COL11A2: variants seen among roughly 807,000 people sequenced by gnomAD.
COL11A2 encodes collagen type XI alpha 2 chain.
In COL11A2, 116 loss-of-function variants were observed where a neutral mutation model predicts 273.4. The observed-to-expected ratio is 0.42, with a 90% confidence interval of 0.36 to 0.49. The LOEUF (loss-of-function observed/expected upper bound fraction) is 0.49. COL11A2 is among the 20% of genes least tolerant of loss of function. The pLI is 0.00. For missense variants in COL11A2, 1,866 were observed against 2,309.0 expected, an observed-to-expected ratio of 0.81 and a Z score of 3.93; for synonymous variants, 782 against 864.2, an observed-to-expected ratio of 0.90 and a Z score of 1.67.
At position 33,175,633 on chromosome 6, in the gene COL11A2, GCCCCTCAGGACCATCCTCT is replaced by G; in HGVS notation, c.2298_2316del (p.Glu767GlnfsTer41). ...CCAGTCGGTCCAGTGCGTCCCTTTG[GCCCCTCAGGACCATCCTCT>G]CCCCTGGAACCAGGGACTCCAACTT... is the stretch of plus-strand genomic sequence containing the variant. On this transcript the variant is annotated frameshift_variant, in exon 30 of 66. Transcript: ENST00000341947. LOFTEE classifies it high-confidence loss of function. 6.2e-7 allele frequency: 1 copy of G among 1,612,902 alleles called. No individual in the cohort carries two copies. The highest frequency in any genetic ancestry group is 1.7e-5 in the Admixed American group (1 of 60,018).
chr6:33,186,289 T>C (rs1300525754), intron 5 of COL11A2, among the ~76,000 whole-genome samples: 1 of 151,958 alleles, frequency 6.6e-6, no homozygotes, highest in African/African-American at 2.4e-5. Flanking sequence ...TTCTCCTGGC[T>C]TCAGTCCCCT....
chr6:33,182,943 C>T (rs1050907809), intron 8 of COL11A2, among the ~76,000 whole-genome samples: 1 of 152,116 alleles, frequency 6.6e-6, no homozygotes, highest in Admixed American at 6.5e-5. Flanking sequence ...TTCATTCTGA[C>T]CAAACAGCAA....
rs1338343543 is a variant in COL11A2 at position 33,192,253 on chromosome 6, GAA to G, written c.-15_-14del. On this transcript the variant is annotated 5_prime_UTR_variant, in exon 1 of 66. Coordinates refer to ENST00000341947, the MANE Select transcript of COL11A2 (RefSeq NM_080680.3). ...TGCACCGCTCCATGGCTGAGAAGCC[GAA>G]ACGCCGGGTCCCAGGGACCCAGGTC... 4 of 1,552,574 alleles carry G rather than the reference GAA, an allele frequency of 2.6e-6. No individual in the cohort carries two copies. Among genetic ancestry groups the G allele is most frequent in the Non-Finnish European group, 3.5e-6 (4 of 1,148,354 alleles).
intron 7 of COL11A2, 75 bp downstream of exon 7, chr6:33,184,917 A>G: frequency 2.4e-6 from 3 of 1,258,860 alleles, no homozygotes; most frequent in Non-Finnish European, 3.4e-6. Flanking sequence ...GTCCATCAAG[A>G]CGTCATGGGC....
Position 33,173,002 on chromosome 6 carries a change from G to A in COL11A2, c.2790+58C>T. ...GCAGGGGCGTGTGACCGAGAGAAGA[G>A]GGGCAGACAGACTAATGCTAGGGTC... On this transcript the variant is annotated intron_variant, in intron 38 of 65. Transcript: ENST00000341947. This position sits in a 1 kb window ranked among gnomAD's most constrained non-coding sequence, Gnocchi z 6.3. 6.4e-7 allele frequency: 1 copy of A among 1,564,300 alleles called. No homozygotes were observed. The highest frequency in any genetic ancestry group is 8.8e-7 in the Non-Finnish European group (1 of 1,137,788).
rs1261962347 is a variant in COL11A2, at chr6:33,166,210, T to C, written c.4393-4A>G. 4 of 1,597,986 alleles carry C rather than the reference T, an allele frequency of 2.5e-6. No individual in the cohort carries two copies. Among genetic ancestry groups the C allele is most frequent in the Non-Finnish European group, 3.4e-6 (4 of 1,173,290 alleles). ...CTCCTTTGGGGCCAGCAGGTCCCTG[T>C]GAAATGAGGAACAAGAAAGAGACGG... On this transcript the variant is annotated splice_polypyrimidine_tract_variant and splice_region_variant and intron_variant, in intron 60 of 65. Transcript: ENST00000341947. This position sits in a 1 kb window ranked among gnomAD's most constrained non-coding sequence, Gnocchi z 4.8.
chr6:33,169,971 C>A lies in COL11A2; in HGVS notation c.3636+76G>T. The stretch of plus-strand genomic sequence containing the variant: ...CCCACATCTCATTCTCTTTTGTCTC[C>A]CCACCCAAAATTGGCAGAAATCCAA... On this transcript the variant is annotated intron_variant, in intron 49 of 65. Coordinates refer to ENST00000341947, the MANE Select transcript of COL11A2 (RefSeq NM_080680.3). This position sits in a 1 kb window ranked among gnomAD's most constrained non-coding sequence, Gnocchi z 5.5. The A allele has an allele frequency of 6.2e-7, 1 of 1,612,378 alleles. No individual in the cohort carries two copies. The highest frequency in any genetic ancestry group is 8.5e-7 in the Non-Finnish European group (1 of 1,178,592).
chr6:33,172,127 G>A, intron 40 of COL11A2, 24 bp from the exon 41 acceptor site: 2 of 1,612,650 alleles, frequency 1.2e-6, no homozygotes, highest in Non-Finnish European at 1.7e-6. Flanking sequence ...ATTTGGGGAA[G>A]ATGAGACTTC....
rs2855437 is a variant in COL11A2, at chr6:33,171,178, G to A, written c.3313-11C>T. The A allele has an allele frequency of 0.71, 1,144,403 of 1,610,246 alleles. 409,716 individuals carry two copies. Among genetic ancestry groups the A allele is most frequent in the East Asian group, 0.94 (42,104 of 44,798 alleles). ...GGGTCCAGGAGGGCCCTGGGTAAGA[G>A]AAGAGAGTCAGAGACACCAAAACAG... On this transcript the variant is annotated splice_polypyrimidine_tract_variant and intron_variant, in intron 44 of 65. Transcript: ENST00000341947.
chr6:33,171,602 C>A, intron 42 of COL11A2, 28 bp from the exon 43 acceptor site: 1 of 1,609,138 alleles, frequency 6.2e-7, no homozygotes, highest in South Asian at 1.1e-5. Flanking sequence ...GGAGTCATGG[C>A]CTGGAGGTGA....
At position 33,173,024 on chromosome 6, in the gene COL11A2, G is replaced by A; in HGVS notation, c.2790+36C>T. ...AGAGGGGCAGACAGACTAATGCTAG[G>A]GTCAGGGGTCCATTCTCTCCTAGGG... On this transcript the variant is annotated intron_variant, in intron 38 of 65. Coordinates refer to ENST00000341947, the MANE Select transcript of COL11A2 (RefSeq NM_080680.3). The surrounding 1 kb of genome is among the most constrained non-coding windows in gnomAD (Gnocchi z 6.3). The A allele has an allele frequency of 6.2e-7, 1 of 1,603,818 alleles. No individual in the cohort carries two copies.
At chr6:33,184,748 G>A (rs920833600) in intron 7 of COL11A2, among the ~76,000 whole-genome samples, 7 of 152,174 alleles carry the variant, frequency 4.6e-5, no homozygotes, top group African/African-American at 1.2e-4. Flanking sequence ...ACATGGAGAC[G>A]AAGTCACTCA....
Position 33,173,580 on chromosome 6 carries a change from A to C in COL11A2, c.2629-25T>G. The stretch of plus-strand genomic sequence containing the variant: ...CCTAGAGACAGAGGTGGGGGGAGTC[A>C]GGAGAATGGGGGCAGGGGCTGAGTG... On this transcript the variant is annotated intron_variant, in intron 35 of 65. Coordinates refer to ENST00000341947, the MANE Select transcript of COL11A2 (RefSeq NM_080680.3). The surrounding 1 kb of genome is among the most constrained non-coding windows in gnomAD (Gnocchi z 6.3). The C allele has an allele frequency of 2.2e-6, 2 of 890,920 alleles. No individual in the cohort carries two copies. The highest frequency in any genetic ancestry group is 3.2e-6 in the Non-Finnish European group (2 of 617,798). The allele number at this position is 890,920 out of a possible 1,614,324, so 55.2% of individuals were successfully genotyped here. A position where few individuals can be genotyped will look rare whatever the true frequency, so the allele number is the denominator to read the frequency against.
intron 5 of COL11A2, chr6:33,186,413 G>A (rs1402279599): frequency 2.7e-5 from 38 of 1,429,426 alleles, no homozygotes; most frequent in Admixed American, 5.7e-5. Flanking sequence ...AAGAGGAGAC[G>A]CAGAGCAGGG....
In COL11A2 at chr6:33,167,389, T is replaced by TGCCC; in HGVS notation, c.4122+36_4122+37insGGGC. The TGCCC allele has an allele frequency of 1.2e-6, 2 of 1,611,396 alleles. No individual in the cohort carries two copies. Among genetic ancestry groups the TGCCC allele is most frequent in the Non-Finnish European group, 8.5e-7 (1 of 1,178,880 alleles). On this transcript the variant is annotated intron_variant, in intron 56 of 65. Coordinates refer to ENST00000341947, the MANE Select transcript of COL11A2 (RefSeq NM_080680.3). The surrounding 1 kb of genome is among the most constrained non-coding windows in gnomAD (Gnocchi z 6.1). ...CTGCACCCCTCCCATGGCCCCTCACTCCCACCCCAGCCCAGCCCTTCCCTG... is the reference window on the plus strand; with the variant it reads ...CTGCACCCCTCCCATGGCCCCTCACTGCCCCCCACCCCAGCCCAGCCCTTCCCTG...
chr6:33,192,761 G>A (rs1191367408), upstream of COL11A2, among the ~76,000 whole-genome samples: 4 of 152,152 alleles, frequency 2.6e-5, no homozygotes, highest in East Asian at 7.7e-4. Context: ...CTCCCTCTTG[G>A]GGGCCCAGAG....
intron 10 of COL11A2, 48 bp from the exon 11 acceptor site, chr6:33,180,778 T>C: frequency 6.3e-7 from 1 of 1,596,038 alleles, no homozygotes; most frequent in Non-Finnish European, 8.6e-7. Context: ...CAGACAGGTG[T>C]GGACACTCAG....
Position 33,170,445 on chromosome 6 carries a change from A to AGAG in COL11A2, c.3529-69_3529-67dup. ...AGATGGCTGAGCATGAATGGTGGAG[A>AGAG]GAGGAGGAGGAGCAGCCAGGCCAGG... On this transcript the variant is annotated intron_variant, in intron 47 of 65. Transcript: ENST00000341947. The surrounding 1 kb of genome is among the most constrained non-coding windows in gnomAD (Gnocchi z 4.3). 6.4e-7 allele frequency: 1 copy of AGAG among 1,560,248 alleles called. No homozygotes were observed. The highest frequency in any genetic ancestry group is 1.1e-5 in the South Asian group (1 of 89,454).
In COL11A2 at chr6:33,179,699, A is replaced by G. The variant is rs1462893520; in HGVS notation, c.1446+20T>C. ...GTGCCCCCCAGAGCCTTCCCTTTCC[A>G]GGGAAGCAGCCCCACTCACCCTCGC... On this transcript the variant is annotated intron_variant, in intron 13 of 65. Transcript: ENST00000341947. The surrounding 1 kb of genome is among the most constrained non-coding windows in gnomAD (Gnocchi z 6.4). The G allele has an allele frequency of 1.9e-6, 3 of 1,610,248 alleles. No homozygotes were observed. The highest frequency in any genetic ancestry group is 1.7e-6 in the Non-Finnish European group (2 of 1,179,680).
Sources: allele counts gnomAD v4.1 joint callset (sites outside exome capture counted in the v4.1 genomes callset), GRCh38; gene constraint gnomAD v4.1.1; non-coding constraint Gnocchi (gnomAD v3.1); transcripts MANE v1.5; gene names NCBI Gene and HGNC (gene_info 2026-07-23, HGNC 2026-07-21).